SSBP4: variants seen among roughly 807,000 people sequenced by gnomAD.
The protein encoded by SSBP4 is single-stranded DNA-binding protein 4.
SSBP4 carries 33 observed loss-of-function variants against 64.6 expected under a neutral mutation model. The ratio of observed to expected loss-of-function variants is 0.51; its 90% confidence interval spans 0.39 to 0.68. The LOEUF (loss-of-function observed/expected upper bound fraction) is 0.68, where lower values mean the gene tolerates loss of function less well. Ranked by LOEUF, SSBP4 falls within the 30% of genes least tolerant of loss-of-function variation. The pLI is 0.00. For synonymous variants in SSBP4, 243 were observed against 224.0 expected (o/e 1.08, Z -0.76); for missense variants, 583 against 566.8 (o/e 1.03, Z -0.29).
At chr19:18,434,121 A>AGCCCT (rs1973800908) in intron 17 of SSBP4, 96 bp from the exon 18 acceptor site, 1 of 1,453,950 alleles carries the variant, frequency 6.9e-7, no homozygotes. Flanking sequence ...CCCAGGACCC[A>AGCCCT]GCCCTGCCCT....
the SSBP4 span, among the ~76,000 whole-genome samples, chr19:18,409,582 GAGT>G: frequency 3.3e-5 from 5 of 152,176 alleles, no homozygotes; most frequent in Non-Finnish European, 5.9e-5. Context: ...GGAGTCGGGA[GAGT>G]AGGATGGTTC....
intron 1 of SSBP4, chr19:18,419,970 C>G (rs984994839): frequency 4.1e-5 from 7 of 172,624 alleles, no homozygotes; most frequent in Non-Finnish European, 7.1e-5. Flanking sequence ...CGGGCGAGAC[C>G]GGAGCGGCTC....
chr19:18,432,358 C>T (rs2144797229), intron 10 of SSBP4, 144 bp downstream of exon 10: 4 of 1,321,704 alleles, frequency 3.0e-6, no homozygotes, highest in African/African-American at 1.5e-5. Flanking sequence ...GAAACTGAGA[C>T]TTGAAGTAGC....
At chr19:18,416,668 C>T (rs1568338021), upstream of SSBP4, among the ~76,000 whole-genome samples, 1 of 152,254 alleles carries the variant, frequency 6.6e-6, no homozygotes, top group Non-Finnish European at 1.5e-5. Flanking sequence ...TGCTTCCTGG[C>T]TCTGCCTCCA....
chr19:18,427,330 T>A lies in SSBP4; in HGVS notation c.60-21T>A, dbSNP rs1481852501. 1.2e-6 allele frequency: 2 copies of A among 1,607,340 alleles called. No individual in the cohort carries two copies. Among genetic ancestry groups the A allele is most frequent in the East Asian group, 4.5e-5 (2 of 44,866 alleles). The stretch of plus-strand genomic sequence containing the variant: ...CTTGCCTTGGAGAGTCTGAGCTCCC[T>A]GGGCCGCCTCGCCCCCACAGGTTGG... On this transcript the variant is annotated intron_variant, in intron 1 of 17. Coordinates refer to ENST00000270061, the MANE Select transcript of SSBP4 (RefSeq NM_032627.5). This position sits in a 1 kb window ranked among gnomAD's most constrained non-coding sequence, Gnocchi z 4.4.
chr19:18,432,502 G>A, intron 10 of SSBP4, 57 bp from the exon 11 acceptor site: 1 of 1,524,446 alleles, frequency 6.6e-7, no homozygotes, highest in Non-Finnish European at 8.8e-7. Flanking sequence ...GGTGTGTGGT[G>A]AGGGCTGTGA....
At chr19:18,431,003 C>A in intron 5 of SSBP4, 73 bp downstream of exon 5, 2 of 1,535,972 alleles carry the variant, frequency 1.3e-6, no homozygotes, top group Non-Finnish European at 1.8e-6. Flanking sequence ...GGGGGTCCCA[C>A]GTGGGCAGAG....
chr19:18,423,109 G>C lies in SSBP4; in HGVS notation c.59+3402G>C, dbSNP rs1167594472. Among the ~76,000 whole-genome samples, 18 of 152,232 alleles carry C rather than the reference G, an allele frequency of 1.2e-4. No homozygotes were observed. Among genetic ancestry groups the C allele is most frequent in the Admixed American group, 1.2e-3 (18 of 15,290 alleles). ...AGTGGGCTGAGGGAGGCTGGGGTCTGAGTGGGCCACTTGCAAGAAGAGGGG... is the reference window on the plus strand; with the variant it reads ...AGTGGGCTGAGGGAGGCTGGGGTCTCAGTGGGCCACTTGCAAGAAGAGGGG... On this transcript the variant is annotated intron_variant, in intron 1 of 17. Transcript: ENST00000270061. The surrounding 1 kb of genome is among the most constrained non-coding windows in gnomAD (Gnocchi z 4.0).
chr19:18,421,826 C>T (rs1972485152), intron 1 of SSBP4, among the ~76,000 whole-genome samples: 1 of 152,122 alleles, frequency 6.6e-6, no homozygotes, highest in African/African-American at 2.4e-5. Context: ...GGAACAGAGG[C>T]TGGGAGGCCC....
At position 18,432,953 on chromosome 19, in the gene SSBP4, A is replaced by G. The variant is rs1401898474; in HGVS notation, c.842-20A>G. On this transcript the variant is annotated intron_variant, in intron 13 of 17. Transcript: ENST00000270061. ...TGGGGGAAACCCCGTCACACCTGGC[A>G]CCCTTCTGGTCTCCCCCAGATTCCA... 3 of 1,614,024 alleles carry G rather than the reference A, an allele frequency of 1.9e-6. No homozygotes were observed. The highest frequency in any genetic ancestry group is 3.3e-5 in the Admixed American group (2 of 60,024).
chr19:18,430,600 C>T (rs1469278126), intron 4 of SSBP4, among the ~76,000 whole-genome samples: 1 of 152,158 alleles, frequency 6.6e-6, no homozygotes, highest in Admixed American at 6.5e-5. Context: ...GATGCAGGGC[C>T]AGTTGAGATG....
At chr19:18,413,359 C>T in the SSBP4 span, among the ~76,000 whole-genome samples, 1 of 151,964 alleles carries the variant, frequency 6.6e-6, no homozygotes, top group African/African-American at 2.4e-5. Context: ...CATACAGGCA[C>T]GCGCCACCAC....
intron 8 of SSBP4, 56 bp from the exon 9 acceptor site, chr19:18,431,944 T>A: frequency 6.4e-7 from 1 of 1,557,856 alleles, no homozygotes; most frequent in Non-Finnish European, 8.7e-7. Context: ...GCCTCCCCAC[T>A]GTCCACACTG....
chr19:18,416,975 C>T (rs1972142041), upstream of SSBP4, among the ~76,000 whole-genome samples: 1 of 152,180 alleles, frequency 6.6e-6, no homozygotes, highest in Non-Finnish European at 1.5e-5. Context: ...GGAGATCCTT[C>T]CCGGTTGCCA....
chr19:18,404,891 CAAAAA>C, the SSBP4 span, among the ~76,000 whole-genome samples: 5 of 44,570 alleles, frequency 1.1e-4, no homozygotes, highest in Non-Finnish European at 1.2e-4. Flanking sequence ...GACTCCATCT[CAAAAA>C]AAAAAAAAAA....
the SSBP4 span, among the ~76,000 whole-genome samples, chr19:18,406,643 A>G: frequency 6.6e-6 from 1 of 151,664 alleles, no homozygotes; most frequent in African/African-American, 2.4e-5. Context: ...GTGAGGCCCT[A>G]TGTCTAAAAA....
chr19:18,421,673 C>T lies in SSBP4; in HGVS notation c.59+1966C>T, dbSNP rs190860017. Reference sequence around the variant, plus strand: ...GGAGGGCACAGCAAGTGCAAAGGCCCTGATATGGGACCAGGAAAAGGAGCT... The same window carrying T: ...GGAGGGCACAGCAAGTGCAAAGGCCTTGATATGGGACCAGGAAAAGGAGCT... On this transcript the variant is annotated intron_variant, in intron 1 of 17. Coordinates refer to ENST00000270061, the MANE Select transcript of SSBP4 (RefSeq NM_032627.5). Among the ~76,000 whole-genome samples the T allele has an allele frequency of 1.9e-3, 284 of 152,308 alleles. 3 individuals carry two copies. Among genetic ancestry groups the T allele is most frequent in the Middle Eastern group, 6.8e-3 (2 of 294 alleles).
At chr19:18,412,562 C>T in the SSBP4 span, among the ~76,000 whole-genome samples, 1 of 151,722 alleles carries the variant, frequency 6.6e-6, no homozygotes, top group South Asian at 2.1e-4. Context: ...AGATCTGGTG[C>T]CTCCACTCCC....
the SSBP4 span, among the ~76,000 whole-genome samples, chr19:18,406,508 C>A: frequency 6.6e-6 from 1 of 151,854 alleles, no homozygotes; most frequent in Non-Finnish European, 1.5e-5. Flanking sequence ...ATTAGCCAGG[C>A]CTGGTGGTGT....
Sources: allele counts gnomAD v4.1 joint callset (sites outside exome capture counted in the v4.1 genomes callset), GRCh38; gene constraint gnomAD v4.1.1; non-coding constraint Gnocchi (gnomAD v3.1); transcripts MANE v1.5; gene names NCBI Gene and HGNC (gene_info 2026-07-23, HGNC 2026-07-21).